NTM: variants seen among roughly 807,000 people sequenced by gnomAD.
NTM encodes the protein neurotrimin.
NTM carries 13 observed loss-of-function variants against 42.1 expected under a neutral mutation model. That is an observed-to-expected ratio of 0.31 (90% CI 0.20 to 0.49). The LOEUF (loss-of-function observed/expected upper bound fraction) is 0.49, where lower values mean the gene tolerates loss of function less well. Ranked by LOEUF, NTM falls within the 20% of genes least tolerant of loss-of-function variation. The pLI, the probability that NTM is intolerant of heterozygous loss-of-function variation, is 0.99. For synonymous variants in NTM, 187 were observed against 179.2 expected (o/e 1.04, Z -0.35); for missense variants, 373 against 452.8 (o/e 0.82, Z 1.60).
intron 1 of NTM, among the ~76,000 whole-genome samples, chr11:131,670,723 A>C (rs2070040309): frequency 6.6e-6 from 1 of 152,168 alleles, no homozygotes; most frequent in South Asian, 2.1e-4. Context: ...CCTCTACCCC[A>C]CTGGGTCAGG....
chr11:132,185,075 TGTC>T (rs2078185779), intron 3 of NTM, among the ~76,000 whole-genome samples: 1 of 152,192 alleles, frequency 6.6e-6, no homozygotes, highest in South Asian at 2.1e-4. Context: ...CTCTTGAAAT[TGTC>T]GTATCTAGGC....
rs9804488 is a variant in NTM at position 132,041,859 on chromosome 11, T to C, written c.168-104423T>C. Among the ~76,000 whole-genome samples the C allele has an allele frequency of 3.0e-3, 459 of 152,292 alleles. 2 individuals carry two copies. The highest frequency in any genetic ancestry group is 4.6e-3 in the Non-Finnish European group (312 of 68,018). On this transcript the variant is annotated intron_variant, in intron 2 of 8. Transcript: ENST00000683400. Reference sequence around the variant, plus strand: ...CCCACACTGAGGCTTAGTTTCCTCATAGGTAAAATGGGGAGAATACCTGTC... The same window carrying C: ...CCCACACTGAGGCTTAGTTTCCTCACAGGTAAAATGGGGAGAATACCTGTC...
intron 1 of NTM, among the ~76,000 whole-genome samples, chr11:131,598,475 A>T (rs1004619222): frequency 1.3e-5 from 2 of 152,146 alleles, no homozygotes; most frequent in Admixed American, 6.5e-5. Flanking sequence ...TAACAAAACA[A>T]AGGTCTATTG....
intron 1 of NTM, among the ~76,000 whole-genome samples, chr11:131,463,622 A>T (rs942080279): frequency 2.0e-5 from 3 of 152,246 alleles, no homozygotes; most frequent in African/African-American, 7.2e-5. Context: ...AAATAAATCT[A>T]TTGAATTTAT....
chr11:131,716,227 A>G (rs1403581213), intron 1 of NTM, among the ~76,000 whole-genome samples: 1 of 152,080 alleles, frequency 6.6e-6, no homozygotes, highest in African/African-American at 2.4e-5. Flanking sequence ...CATTCATGAG[A>G]GCTCTGCCCT....
chr11:131,547,066 A>T (rs1038327426), intron 1 of NTM, among the ~76,000 whole-genome samples: 3 of 152,104 alleles, frequency 2.0e-5, no homozygotes, highest in Non-Finnish European at 4.4e-5. Flanking sequence ...AGACAGAACC[A>T]GATCCATGCA....
chr11:131,577,618 G>A (rs569495666), intron 1 of NTM, among the ~76,000 whole-genome samples: 1 of 152,312 alleles, frequency 6.6e-6, no homozygotes, highest in African/African-American at 2.4e-5. Flanking sequence ...TTCTTGGAAC[G>A]AAAGTGGCTA....
intron 1 of NTM, among the ~76,000 whole-genome samples, chr11:131,383,034 G>C (rs920977223): frequency 2.2e-4 from 34 of 152,158 alleles, no homozygotes; most frequent in African/African-American, 7.9e-4. Context: ...TTCTCTAAAT[G>C]ATCTTTTTAA....
At chr11:131,869,288 C>T (rs142480239) in intron 1 of NTM, among the ~76,000 whole-genome samples, 2 of 152,172 alleles carry the variant, frequency 1.3e-5, no homozygotes, top group African/African-American at 2.4e-5. Flanking sequence ...CCCGCCTACG[C>T]GCTATGACTT....
intron 1 of NTM, among the ~76,000 whole-genome samples, chr11:131,570,563 G>T (rs916128711): frequency 6.6e-6 from 1 of 152,214 alleles, no homozygotes; most frequent in Non-Finnish European, 1.5e-5. Flanking sequence ...GGTGGCTCAC[G>T]CCTGTAATCC....
intron 1 of NTM, among the ~76,000 whole-genome samples, chr11:131,650,997 G>A (rs2066412372): frequency 6.6e-6 from 1 of 152,188 alleles, no homozygotes; most frequent in African/African-American, 2.4e-5. Flanking sequence ...TCAGTTCTTT[G>A]TTTTTGGTGC....
At chr11:132,215,655 A>C (rs1280631580) in intron 4 of NTM, among the ~76,000 whole-genome samples, 1 of 152,200 alleles carries the variant, frequency 6.6e-6, no homozygotes, top group African/African-American at 2.4e-5. Flanking sequence ...ACCTCTTGGC[A>C]CTTCCATTGA....
At chr11:131,378,489 G>A (rs1004133532) in intron 1 of NTM, among the ~76,000 whole-genome samples, 10 of 152,204 alleles carry the variant, frequency 6.6e-5, no homozygotes, top group Admixed American at 4.6e-4. Context: ...TGTAAATGGT[G>A]TGTGTGCGTG....
chr11:131,966,051 G>A (rs947910534), intron 2 of NTM, among the ~76,000 whole-genome samples: 2 of 152,028 alleles, frequency 1.3e-5, no homozygotes, highest in Non-Finnish European at 2.9e-5. Context: ...ATTTTTCTGG[G>A]GGTGATGGTA....
At chr11:131,819,718 C>T (rs1334464007) in intron 1 of NTM, among the ~76,000 whole-genome samples, 2 of 152,162 alleles carry the variant, frequency 1.3e-5, no homozygotes. Flanking sequence ...ACTCTGGAGC[C>T]CTGCCACCAT....
chr11:132,062,758 T>C (rs900471255), intron 2 of NTM, among the ~76,000 whole-genome samples: 1 of 152,146 alleles, frequency 6.6e-6, no homozygotes, highest in African/African-American at 2.4e-5. Flanking sequence ...TGACATTGAT[T>C]TGTTTTGGCT....
chr11:132,067,404 C>T (rs1376959416), intron 2 of NTM, among the ~76,000 whole-genome samples: 1 of 152,202 alleles, frequency 6.6e-6, no homozygotes, highest in Non-Finnish European at 1.5e-5. Flanking sequence ...CAAAATCTTA[C>T]CTAAGTGTCA....
intron 2 of NTM, among the ~76,000 whole-genome samples, chr11:132,139,615 A>G (rs142610392): frequency 8.5e-5 from 13 of 152,310 alleles, no homozygotes; most frequent in African/African-American, 2.9e-4. Flanking sequence ...TCCCTAGGAC[A>G]TTACAGAAGT....
chr11:131,663,051 T>G (rs1294021932), intron 1 of NTM: 2 of 152,184 alleles, frequency 1.3e-5, no homozygotes, highest in Non-Finnish European at 2.9e-5. Flanking sequence ...CCAGCACTAC[T>G]GGGCCCTGGT....
Sources: allele counts gnomAD v4.1 joint callset (sites outside exome capture counted in the v4.1 genomes callset), GRCh38; gene constraint gnomAD v4.1.1; transcripts MANE v1.5; gene names NCBI Gene and HGNC (gene_info 2026-07-23, HGNC 2026-07-21).